Variants in TDRD3 observed in about 807,000 individuals in gnomAD.
The protein encoded by TDRD3 is tudor domain containing 3.
A neutral mutation model predicts 86.7 loss-of-function variants in TDRD3; 45 were observed. That is an observed-to-expected ratio of 0.52 (90% CI 0.41 to 0.67). The LOEUF (loss-of-function observed/expected upper bound fraction) is 0.67, where lower values mean the gene tolerates loss of function less well. Among genes scored for constraint, TDRD3 ranks in the 30% least tolerant of loss-of-function variants. The probability of loss-of-function intolerance (pLI) is 0.00; values close to 1 mark genes in which losing one functional copy is unlikely to be tolerated. For synonymous variants in TDRD3, 298 were observed against 301.7 expected, an observed-to-expected ratio of 0.99 and a Z score of 0.13; for missense variants, 814 against 889.0, an observed-to-expected ratio of 0.92 and a Z score of 1.07.
chr13:60,422,268 G>A (rs549653731), intron 1 of TDRD3, among the ~76,000 whole-genome samples: 2 of 152,204 alleles, frequency 1.3e-5, no homozygotes, highest in South Asian at 2.1e-4. Flanking sequence ...CACAGGTGGA[G>A]GATTCATAAT....
chr13:60,433,077 T>A (rs1594927024), intron 1 of TDRD3, among the ~76,000 whole-genome samples: 1 of 152,348 alleles, frequency 6.6e-6, no homozygotes, highest in East Asian at 1.9e-4. Context: ...ATGTTTTCAC[T>A]CTTGGTTTTC....
rs1033185051 is a variant in TDRD3, at chr13:60,407,857, G to A, written c.41+10452G>A. 2.0e-5 allele frequency among the ~76,000 whole-genome samples: 3 copies of A among 152,146 alleles called. No homozygotes were observed. In the South Asian group the frequency reaches 6.2e-4, roughly 32 times the overall value. On this transcript the variant is annotated intron_variant, in intron 1 of 13. Transcript: ENST00000377881. ...TCCGACCCAAATCTCAACTTGAATT[G>A]TTTCTCCCAGAATTCCCATGTGTTG...
Position 60,552,046 on chromosome 13 carries a change from C to G in TDRD3, c.2119-15479C>G, listed in dbSNP as rs1358929795. 4.6e-5 allele frequency among the ~76,000 whole-genome samples: 7 copies of G among 152,162 alleles called. No homozygotes were observed. In the South Asian group the frequency reaches 6.2e-4, roughly 14 times the overall value. The stretch of plus-strand genomic sequence containing the variant: ...CATATCTTTCCACCCTGGCTTCTCC[C>G]AAATCTCATATCCTTTTCACATTTC... On this transcript the variant is annotated intron_variant, in intron 12 of 13. Transcript: ENST00000377881.
intron 3 of TDRD3, among the ~76,000 whole-genome samples, chr13:60,455,526 A>G (rs1028450994): frequency 2.0e-5 from 3 of 152,228 alleles, no homozygotes; most frequent in African/African-American, 7.2e-5. Flanking sequence ...TTTTGGAAGT[A>G]GTGATGGGGT....
intron 7 of TDRD3, 97 bp from the exon 8 acceptor site, chr13:60,494,337 AC>A: frequency 8.1e-7 from 1 of 1,239,468 alleles, no homozygotes; most frequent in Non-Finnish European, 1.1e-6. Flanking sequence ...TAATTAGGAA[AC>A]TTAATTACTT....
chr13:60,452,262 A>T (rs1011248589), intron 3 of TDRD3, among the ~76,000 whole-genome samples: 1 of 151,896 alleles, frequency 6.6e-6, no homozygotes, highest in Non-Finnish European at 1.5e-5. Flanking sequence ...TCCTGGACCT[A>T]TCTATTTTTG....
chr13:60,567,387 TCTGTTG>T (rs1958484866), intron 12 of TDRD3, 132 bp from the exon 13 acceptor site: 1 of 1,049,456 alleles, frequency 9.5e-7, no homozygotes, highest in South Asian at 1.5e-5. Flanking sequence ...CTTGCCTCCC[TCTGTTG>T]TAAAAGTTGA....
intron 1 of TDRD3, among the ~76,000 whole-genome samples, chr13:60,438,956 A>G (rs1955186278): frequency 6.6e-6 from 1 of 152,152 alleles, no homozygotes; most frequent in Non-Finnish European, 1.5e-5. Context: ...TGTTGAGTTT[A>G]TCAAAGAGTT....
intron 13 of TDRD3, among the ~76,000 whole-genome samples, chr13:60,567,890 A>ATTTTTTTTTTT (rs58242240): frequency 7.5e-6 from 1 of 132,932 alleles, no homozygotes. Context: ...TGCCCAGCTG[A>ATTTTTTTTTTT]TTTTTTTTTT....
At chr13:60,519,697 G>C (rs1359707454) in intron 10 of TDRD3, among the ~76,000 whole-genome samples, 1 of 152,094 alleles carries the variant, frequency 6.6e-6, no homozygotes, top group Non-Finnish European at 1.5e-5. Flanking sequence ...CTGGGGTCTG[G>C]AATCTACTCA....
chr13:60,468,048 T>G (rs1439529419), intron 5 of TDRD3, among the ~76,000 whole-genome samples: 2 of 152,158 alleles, frequency 1.3e-5, no homozygotes, highest in African/African-American at 4.8e-5. Flanking sequence ...CACATATCCT[T>G]TCTCCATCTT....
chr13:60,412,950 A>G (rs1170280076), intron 1 of TDRD3, among the ~76,000 whole-genome samples: 1 of 152,140 alleles, frequency 6.6e-6, no homozygotes, highest in Non-Finnish European at 1.5e-5. Flanking sequence ...GTTGAAATAC[A>G]GGCTCATGTT....
chr13:60,443,189 C>T (rs1955323045), intron 2 of TDRD3, among the ~76,000 whole-genome samples: 1 of 151,924 alleles, frequency 6.6e-6, no homozygotes, highest in East Asian at 1.9e-4. Context: ...CTGTGCAAGT[C>T]ATTATACTGA....
chr13:60,515,419 G>A lies in TDRD3; in HGVS notation c.1141+4664G>A, dbSNP rs1957147236. On this transcript the variant is annotated intron_variant, in intron 10 of 13. Transcript: ENST00000377881. ...TCTTTGATGATGTTGGCCTCACACA[G>A]AAGAGATTCATGATAACACACATAA... 3.3e-5 allele frequency among the ~76,000 whole-genome samples: 5 copies of A among 152,280 alleles called. No homozygotes were observed. The South Asian group carries it at 1.0e-3, about 32-fold the overall frequency.
intron 12 of TDRD3, among the ~76,000 whole-genome samples, chr13:60,553,926 A>G (rs2137915218): frequency 6.6e-6 from 1 of 152,362 alleles, no homozygotes. Context: ...ATAAAAATCT[A>G]CAACTCTTTT....
intron 1 of TDRD3, among the ~76,000 whole-genome samples, chr13:60,418,471 T>G (rs1321427690): frequency 6.6e-6 from 1 of 152,120 alleles, no homozygotes; most frequent in Admixed American, 6.5e-5. Context: ...TTATTTGAGG[T>G]CAGTACCATG....
intron 10 of TDRD3, among the ~76,000 whole-genome samples, chr13:60,512,159 A>C (rs1957073623): frequency 6.6e-6 from 1 of 152,180 alleles, no homozygotes; most frequent in Non-Finnish European, 1.5e-5. Context: ...AGGAGGAACA[A>C]GTCACTTATT....
At chr13:60,444,566 AGT>A in intron 2 of TDRD3, 115 bp from the exon 3 acceptor site, 1 of 555,256 alleles carries the variant, frequency 1.8e-6, no homozygotes, top group Non-Finnish European at 3.1e-6. Context: ...TCTCATGACC[AGT>A]TAAACTGAAT....
intron 3 of TDRD3, among the ~76,000 whole-genome samples, chr13:60,454,953 G>C (rs898453273): frequency 6.6e-6 from 1 of 151,982 alleles, no homozygotes; most frequent in African/African-American, 2.4e-5. Context: ...TGCTCTTGTT[G>C]CCCAGGCTGG....
Sources: gnomAD v4.1 joint callset for allele counts (sites outside exome capture counted in the v4.1 genomes callset) on GRCh38, gnomAD v4.1.1 for gene constraint, MANE v1.5 for transcripts, NCBI Gene and HGNC (gene_info 2026-07-23, HGNC 2026-07-21) for gene names.